The following PIK3AP1 variants were observed in gnomAD, a reference collection of about 807,000 sequenced individuals.
PIK3AP1 encodes phosphoinositide 3-kinase adapter protein 1.
A neutral mutation model predicts 88.1 loss-of-function variants in PIK3AP1; 21 were observed. The observed-to-expected ratio is 0.24, with a 90% CI of 0.17 to 0.34. PIK3AP1 has a LOEUF of 0.34. Ranked by LOEUF, PIK3AP1 falls within the 10% of genes least tolerant of loss-of-function variation. The probability of loss-of-function intolerance (pLI) is 1.00; values close to 1 mark genes in which losing one functional copy is unlikely to be tolerated. For synonymous variants in PIK3AP1, 398 were observed against 400.0 expected (o/e 1.00, Z 0.06); for missense variants, 828 against 1,035.7 (o/e 0.80, Z 2.75).
chr10:96,675,872 C>T (rs576628600), intron 2 of PIK3AP1, among the ~76,000 whole-genome samples: 1 of 152,254 alleles, frequency 6.6e-6, no homozygotes, highest in African/African-American at 2.4e-5. Context: ...CTAAGAACAG[C>T]CCCCACTGTT....
chr10:96,618,878 CA>C (rs993881843), intron 12 of PIK3AP1: 1 of 152,238 alleles, frequency 6.6e-6, no homozygotes, highest in Non-Finnish European at 1.5e-5. Flanking sequence ...TGCAGCCTCC[CA>C]GGGGCTCCTG....
chr10:96,634,029 T>A (rs1489401131), intron 8 of PIK3AP1, among the ~76,000 whole-genome samples: 2 of 152,156 alleles, frequency 1.3e-5, no homozygotes, highest in Admixed American at 6.5e-5. Context: ...CAGACCAGAC[T>A]TGGAGCTCCC....
chr10:96,717,361 C>A (rs1390150012), intron 1 of PIK3AP1, among the ~76,000 whole-genome samples: 1 of 151,892 alleles, frequency 6.6e-6, no homozygotes, highest in East Asian at 1.9e-4. Flanking sequence ...CTATAGGTGA[C>A]TCTGGCACCC....
chr10:96,705,256 A>C (rs899378717), intron 2 of PIK3AP1, among the ~76,000 whole-genome samples: 71 of 152,166 alleles, frequency 4.7e-4, no homozygotes, highest in Non-Finnish European at 8.7e-4. Flanking sequence ...TTGAATTCAG[A>C]AGAGAAATGT....
intron 2 of PIK3AP1, among the ~76,000 whole-genome samples, chr10:96,670,786 C>T (rs1320618746): frequency 1.3e-5 from 2 of 152,068 alleles, no homozygotes; most frequent in Non-Finnish European, 2.9e-5. Flanking sequence ...GAAATAATTC[C>T]AGACATTCAG....
intron 2 of PIK3AP1, among the ~76,000 whole-genome samples, chr10:96,705,838 C>T (rs1844354634): frequency 6.6e-6 from 1 of 151,292 alleles, no homozygotes; most frequent in African/African-American, 2.4e-5. Context: ...CTCCAGCCTC[C>T]CAAAGTGCTG....
In PIK3AP1 at chr10:96,620,560, G is replaced by A. The variant is rs745976470; in HGVS notation, c.1736-3C>T. On this transcript the variant is annotated splice_region_variant and splice_polypyrimidine_tract_variant and intron_variant, in intron 11 of 16. Transcript: ENST00000339364. ...CCTCCATGGTCTGACGGGCGGCCCT[G>A]GAAAGGATGGCAAAACTCAGCTTGA... The A allele has an allele frequency of 1.2e-6, 2 of 1,611,416 alleles. No homozygotes were observed. Among genetic ancestry groups the A allele is most frequent in the African/African-American group, 2.7e-5 (2 of 74,870 alleles).
At chr10:96,620,915 A>G in intron 11 of PIK3AP1, 1 of 225,830 alleles carries the variant, frequency 4.4e-6, no homozygotes, top group Non-Finnish European at 9.0e-6. Context: ...TTCTGCTTAG[A>G]GACTCTGGTG....
chr10:96,599,311 T>C (rs1242307560), intron 16 of PIK3AP1, among the ~76,000 whole-genome samples: 1 of 152,142 alleles, frequency 6.6e-6, no homozygotes. Context: ...GTAGGTGGGC[T>C]GATGAGTTCA....
rs764821524 is a variant in PIK3AP1 at position 96,709,925 on chromosome 10, G to A, written c.72C>T (p.Cys24=). 6 of 1,608,580 alleles carry A rather than the reference G, an allele frequency of 3.7e-6. No individual in the cohort carries two copies. The highest frequency in any genetic ancestry group is 2.6e-6 in the Non-Finnish European group (3 of 1,176,096). Residue 24 remains cysteine (C), a synonymous_variant, in exon 2 of 17, where the codon TGC becomes TGT. Transcript: ENST00000339364. ...IVYSPDAEEW[C]QYLQTLFLSS... ...ACAGGAACAGGGTCTGCAGGTACTG[G>A]CACCATTCCTCGGCATCCGGGCTGT...
intron 14 of PIK3AP1, 42 bp downstream of exon 14, chr10:96,609,670 C>G: frequency 2.5e-6 from 4 of 1,597,030 alleles, no homozygotes; most frequent in Non-Finnish European, 3.4e-6. Context: ...CCAGCTGGAG[C>G]CCAGTCAAGA....
chr10:96,634,257 GGA>G (rs1400968489), intron 8 of PIK3AP1, among the ~76,000 whole-genome samples: 9 of 152,232 alleles, frequency 5.9e-5, no homozygotes, highest in Admixed American at 2.6e-4. Flanking sequence ...GGTGCAGGGA[GGA>G]GAGAGGGGGT....
chr10:96,642,262 G>C (rs1843399148), intron 8 of PIK3AP1, among the ~76,000 whole-genome samples: 2 of 151,798 alleles, frequency 1.3e-5, no homozygotes, highest in South Asian at 4.2e-4. Context: ...CCATCTATAT[G>C]AAAAATACAA....
At chr10:96,664,103 A>G (rs1306379759) in intron 2 of PIK3AP1, among the ~76,000 whole-genome samples, 2 of 152,226 alleles carry the variant, frequency 1.3e-5, no homozygotes, top group Non-Finnish European at 2.9e-5. Flanking sequence ...CTATTTCCAG[A>G]AGTCTCTCTT....
rs751131509 is a variant in PIK3AP1, at chr10:96,651,669, C to T, written c.713-18G>A. The T allele has an allele frequency of 2.5e-6, 4 of 1,610,874 alleles. No homozygotes were observed. The East Asian group carries it at 8.9e-5, about 36-fold the overall frequency. On this transcript the variant is annotated intron_variant, in intron 4 of 16. Coordinates refer to ENST00000339364, the MANE Select transcript of PIK3AP1 (RefSeq NM_152309.3). The stretch of plus-strand genomic sequence containing the variant: ...TGAAAGGTCTGAACAGAAGAAAAGA[C>T]ACTATCAAAATTCCCAGGAAAAACA...
At chr10:96,635,440 T>G (rs1486665116) in intron 8 of PIK3AP1, among the ~76,000 whole-genome samples, 2 of 152,244 alleles carry the variant, frequency 1.3e-5, no homozygotes, top group African/African-American at 4.8e-5. Flanking sequence ...AGAAAATGAT[T>G]TTTAAAAATC....
chr10:96,627,781 T>C (rs2134208256), intron 9 of PIK3AP1, among the ~76,000 whole-genome samples: 1 of 152,372 alleles, frequency 6.6e-6, no homozygotes, highest in Non-Finnish European at 1.5e-5. Flanking sequence ...GCTTGTTATG[T>C]GCATGGTGGT....
At chr10:96,685,128 C>T (rs1844051847) in intron 2 of PIK3AP1, among the ~76,000 whole-genome samples, 1 of 152,194 alleles carries the variant, frequency 6.6e-6, no homozygotes, top group African/African-American at 2.4e-5. Flanking sequence ...ATAAATATAT[C>T]TACAAATGCC....
intron 8 of PIK3AP1, among the ~76,000 whole-genome samples, chr10:96,645,169 C>T (rs1012671609): frequency 6.6e-6 from 1 of 151,952 alleles, no homozygotes; most frequent in African/African-American, 2.4e-5. Context: ...TAAAAAGGAC[C>T]CCTGGAGACT....
Sources: gnomAD v4.1 joint callset for allele counts (sites outside exome capture counted in the v4.1 genomes callset) on GRCh38, gnomAD v4.1.1 for gene constraint, MANE v1.5 for transcripts, NCBI Gene and HGNC (gene_info 2026-07-23, HGNC 2026-07-21) for gene names.